Variants in HECW1 observed in about 807,000 individuals in gnomAD.
HECW1 encodes the protein E3 ubiquitin-protein ligase HECW1.
Under a neutral mutation model 182.3 loss-of-function variants are expected in HECW1, and 61 were observed. The ratio of observed to expected loss-of-function variants is 0.33; its 90% CI spans 0.27 to 0.41. The LOEUF (loss-of-function observed/expected upper bound fraction) is 0.41, where lower values mean the gene tolerates loss of function less well. HECW1 is among the 10% of genes least tolerant of loss of function. HECW1 has a pLI of 1.00. For missense variants in HECW1, 1,739 were observed against 2,108.9 expected, an observed-to-expected ratio of 0.82 and a Z score of 3.44; for synonymous variants, 859 against 832.6, an observed-to-expected ratio of 1.03 and a Z score of -0.55.
At chr7:43,269,479 C>T (rs1360706965) in intron 3 of HECW1, among the ~76,000 whole-genome samples, 1 of 152,174 alleles carries the variant, frequency 6.6e-6, no homozygotes, top group African/African-American at 2.4e-5. Context: ...GAATAACACT[C>T]TATTGTCGGA....
intron 4 of HECW1, among the ~76,000 whole-genome samples, chr7:43,315,761 T>C (rs1443888968): frequency 6.6e-6 from 1 of 152,114 alleles, no homozygotes. Flanking sequence ...CCCAAACTCC[T>C]GGGATTACAG....
intron 16 of HECW1, 63 bp from the exon 17 acceptor site, chr7:43,479,547 A>T (rs1563032663): frequency 1.2e-6 from 2 of 1,601,890 alleles, no homozygotes; most frequent in East Asian, 2.2e-5. Flanking sequence ...CCTGTATATT[A>T]CTGACTCCAT....
At chr7:43,373,771 C>T (rs1451278858) in intron 6 of HECW1, among the ~76,000 whole-genome samples, 4 of 152,100 alleles carry the variant, frequency 2.6e-5, no homozygotes, top group African/African-American at 9.7e-5. Flanking sequence ...AAATTCTGTC[C>T]CCACTAAACA....
At chr7:43,447,499 G>A (rs2077094857) in intron 11 of HECW1, among the ~76,000 whole-genome samples, 1 of 152,158 alleles carries the variant, frequency 6.6e-6, no homozygotes, top group Admixed American at 6.5e-5. Context: ...AGGTTAAGAA[G>A]CACCTACATG....
intron 16 of HECW1, among the ~76,000 whole-genome samples, chr7:43,475,068 C>T (rs2078171004): frequency 6.6e-6 from 1 of 152,124 alleles, no homozygotes; most frequent in Admixed American, 6.5e-5. Context: ...GTGATGGTTG[C>T]ACAACCGTGA....
At chr7:43,407,772 G>C in intron 8 of HECW1, 41 bp downstream of exon 8, 1 of 1,564,030 alleles carries the variant, frequency 6.4e-7, no homozygotes, top group Non-Finnish European at 8.7e-7. Flanking sequence ...AAGTAAAAGT[G>C]AAAGGGCTGA....
rs1301228967 is a variant in HECW1 at position 43,159,205 on chromosome 7, T to A, written c.-32+44814T>A. ...TTTTCTTTTTTTTTATTATTATACT[T>A]TAAGTTCTAGGGTACATGTGCACAA... On this transcript the variant is annotated intron_variant, in intron 2 of 29. Transcript: ENST00000395891. 5.3e-5 allele frequency among the ~76,000 whole-genome samples: 8 copies of A among 152,062 alleles called. No individual in the cohort carries two copies. In the East Asian group the frequency reaches 1.2e-3, roughly 22 times the overall value.
In HECW1 at chr7:43,243,603, A is replaced by C. The variant is rs1799088861; in HGVS notation, c.-31-272A>C. 1.3e-5 allele frequency among the ~76,000 whole-genome samples: 2 copies of C among 152,210 alleles called. No individual in the cohort carries two copies. Among genetic ancestry groups the C allele is most frequent in the African/African-American group, 4.8e-5 (2 of 41,458 alleles). ...GATCCTTGTTTCTTGAAAAAGAAAAAAAAAAATTCTAGGCTCATGAGTCTC... is the reference window on the plus strand; with the variant it reads ...GATCCTTGTTTCTTGAAAAAGAAAACAAAAAATTCTAGGCTCATGAGTCTC... On this transcript the variant is annotated intron_variant, in intron 2 of 29. Transcript: ENST00000395891. The surrounding 1 kb of genome is among the most constrained non-coding windows in gnomAD (Gnocchi z 4.0).
chr7:43,495,285 C>G (rs1270191709), intron 19 of HECW1, among the ~76,000 whole-genome samples: 1 of 152,074 alleles, frequency 6.6e-6, no homozygotes, highest in Non-Finnish European at 1.5e-5. Flanking sequence ...CCAACAGGCC[C>G]CGGTGTGTGA....
intron 2 of HECW1, among the ~76,000 whole-genome samples, chr7:43,156,338 G>C (rs1468857652): frequency 6.6e-6 from 1 of 152,144 alleles, no homozygotes; most frequent in East Asian, 1.9e-4. Context: ...ATGAATTATG[G>C]GGTGTGCCCA....
At chr7:43,117,998 G>T (rs1785209267) in intron 2 of HECW1, 1 of 152,686 alleles carries the variant, frequency 6.5e-6, no homozygotes, top group Admixed American at 6.5e-5. Context: ...GTGTTATCAG[G>T]CATCTATGCA....
In HECW1 at chr7:43,174,649, CT is replaced by C. The variant is rs547100588; in HGVS notation, c.-32+60266del. Among the ~76,000 whole-genome samples the C allele has an allele frequency of 1.1e-3, 165 of 152,094 alleles. 1 individual carries two copies. Among genetic ancestry groups the C allele is most frequent in the African/African-American group, 3.8e-3 (157 of 41,476 alleles). ...TCTCCTTCGCACTCAATCTTAGTAG[CT>C]TTTTTTTCTTTCCTTATGAAAAAAG... On this transcript the variant is annotated intron_variant, in intron 2 of 29. Transcript: ENST00000395891.
chr7:43,287,456 TC>T (rs1198176367), intron 3 of HECW1, among the ~76,000 whole-genome samples: 2 of 148,468 alleles, frequency 1.3e-5, no homozygotes, highest in African/African-American at 5.1e-5. Context: ...GAGAAGGAAG[TC>T]ATGGAAGGTT....
At chr7:43,278,357 A>G (rs1803438265) in intron 3 of HECW1, among the ~76,000 whole-genome samples, 1 of 151,996 alleles carries the variant, frequency 6.6e-6, no homozygotes, top group Non-Finnish European at 1.5e-5. Flanking sequence ...CCTCAAAAAT[A>G]GATCTGGAAT....
chr7:43,241,920 G>A (rs888350031), intron 2 of HECW1, among the ~76,000 whole-genome samples: 2 of 152,104 alleles, frequency 1.3e-5, no homozygotes, highest in Non-Finnish European at 2.9e-5. Flanking sequence ...GGAGTGGGGG[G>A]TGTGGAGGAA....
chr7:43,315,426 C>G (rs974576123), intron 4 of HECW1, among the ~76,000 whole-genome samples: 4 of 151,660 alleles, frequency 2.6e-5, no homozygotes, highest in African/African-American at 7.3e-5. Flanking sequence ...GTAAGAAAGA[C>G]AAGTAGATTC....
At chr7:43,534,354 T>C (rs2081097894) in intron 24 of HECW1, among the ~76,000 whole-genome samples, 1 of 152,156 alleles carries the variant, frequency 6.6e-6, no homozygotes. Flanking sequence ...TGTTGAAAAA[T>C]ACACTGAAAT....
chr7:43,373,114 C>A (rs747194065), intron 6 of HECW1, among the ~76,000 whole-genome samples: 1 of 151,880 alleles, frequency 6.6e-6, no homozygotes, highest in African/African-American at 2.4e-5. Flanking sequence ...GGAGGCAAAG[C>A]AGACTAACGG....
chr7:43,489,245 CTG>C (rs1045496523), intron 17 of HECW1, among the ~76,000 whole-genome samples: 1 of 152,154 alleles, frequency 6.6e-6, no homozygotes, highest in Non-Finnish European at 1.5e-5. Flanking sequence ...TGGTGGGTCT[CTG>C]AGAATCCTGT....
Sources: gnomAD v4.1 joint callset for allele counts (sites outside exome capture counted in the v4.1 genomes callset) on GRCh38, gnomAD v4.1.1 for gene constraint, Gnocchi (gnomAD v3.1) non-coding constraint, MANE v1.5 for transcripts, NCBI Gene and HGNC (gene_info 2026-07-23, HGNC 2026-07-21) for gene names.